ESYT2: variants seen among roughly 807,000 people sequenced by gnomAD.
ESYT2 encodes the protein extended synaptotagmin 2.
Under a neutral mutation model 107.2 loss-of-function variants are expected in ESYT2, and 54 were observed. That is an observed-to-expected ratio of 0.50 (90% CI 0.40 to 0.63). The LOEUF (loss-of-function observed/expected upper bound fraction) is 0.63, where lower values mean the gene tolerates loss of function less well. Among genes scored for constraint, ESYT2 ranks in the 30% least tolerant of loss-of-function variants. The probability of loss-of-function intolerance (pLI) is 0.00; values close to 1 mark genes in which losing one functional copy is unlikely to be tolerated. For synonymous variants in ESYT2, 491 were observed against 434.1 expected (o/e 1.13, Z -1.63); for missense variants, 1,020 against 1,094.5 (o/e 0.93, Z 0.96).
intron 6 of ESYT2, among the ~76,000 whole-genome samples, chr7:158,784,786 G>T (rs562144717): frequency 2.6e-5 from 4 of 152,294 alleles, no homozygotes; most frequent in Admixed American, 1.3e-4. Flanking sequence ...CATAACAGAA[G>T]ACACTGTTTC....
chr7:158,809,474 C>CAAAAAAAAAAAAAAAA (rs67422901), intron 1 of ESYT2, among the ~76,000 whole-genome samples: 1 of 49,742 alleles, frequency 2.0e-5, no homozygotes, highest in Non-Finnish European at 3.3e-5. Flanking sequence ...GAATCCATCT[C>CAAAAAAAAAAAAAAAA]AAAAAAAAAA....
chr7:158,748,624 G>A (rs1045843942), intron 15 of ESYT2, among the ~76,000 whole-genome samples: 2 of 152,204 alleles, frequency 1.3e-5, no homozygotes, highest in African/African-American at 4.8e-5. Context: ...CCGAACTGAG[G>A]AGGGTGAGCA....
chr7:158,764,566 G>T, intron 9 of ESYT2, 111 bp downstream of exon 9: 1 of 1,092,010 alleles, frequency 9.2e-7, no homozygotes, highest in Non-Finnish European at 1.3e-6. Flanking sequence ...ACATTTAAAT[G>T]ATGGCCTAAA....
At chr7:158,741,355 G>A (rs1837194712) in intron 18 of ESYT2, among the ~76,000 whole-genome samples, 168 bp downstream of exon 18, 1 of 152,206 alleles carries the variant, frequency 6.6e-6, no homozygotes, top group African/African-American at 2.4e-5. Flanking sequence ...GAGATGCAGT[G>A]AGCAAAACGG....
At chr7:158,810,688 G>GAA (rs35849036) in intron 1 of ESYT2, among the ~76,000 whole-genome samples, 2,369 of 149,636 alleles carry the variant, frequency 0.016, 58 homozygotes, top group African/African-American at 0.049. Context: ...TCTTGGGGGG[G>GAA]AAAAAAAAAG....
rs1215332750 is a variant in ESYT2 at position 158,741,860 on chromosome 7, G to A, written c.1831C>T (p.His611Tyr). The A allele has an allele frequency of 1.2e-6, 2 of 1,611,454 alleles. No homozygotes were observed. The highest frequency in any genetic ancestry group is 4.5e-5 in the East Asian group (2 of 44,864). Residue 611 changes from histidine (H) to tyrosine (Y), a missense_variant, in exon 18 of 23, where the codon CAC (histidine) becomes TAC (tyrosine). Physicochemically the swap from His to Tyr is moderately conservative, Grantham distance 83. Transcript: ENST00000275418. ...HLEKRERPPDHQHSAQVKRPS... is the reference protein window; with the variant it reads ...HLEKRERPPDYQHSAQVKRPS... ...CGTTTGACTTGAGCTGAGTGTTGGT[G>A]GTCTGGAGGCCTTTCTCGCTTTTCG... is the stretch of plus-strand genomic sequence containing the variant.
At position 158,767,770 on chromosome 7, in the gene ESYT2, A is replaced by T. The variant is rs959219335; in HGVS notation, c.808T>A (p.Leu270Ile). 2.5e-6 allele frequency: 4 copies of T among 1,610,626 alleles called. No homozygotes were observed. The highest frequency in any genetic ancestry group is 3.4e-6 in the Non-Finnish European group (4 of 1,178,134). ...NLLDVPGLNG[L>I]SDTIILDIIS... Reference sequence around the variant, plus strand: ...ATATCCAAAATGATAGTATCTGATAAACCACTGTTAGTTGGGAGACAAAAA... The same window carrying T: ...ATATCCAAAATGATAGTATCTGATATACCACTGTTAGTTGGGAGACAAAAA... Residue 270 changes from leucine (L) to isoleucine (I), a missense_variant, in exon 8 of 23, where the codon TTA (leucine) becomes ATA (isoleucine). By Grantham distance (5) the Leu-to-Ile change is conservative. Transcript: ENST00000275418.
chr7:158,822,979 C>A (rs1410069176), intron 1 of ESYT2, among the ~76,000 whole-genome samples: 1 of 151,998 alleles, frequency 6.6e-6, no homozygotes, highest in Admixed American at 6.6e-5. Context: ...CTATAACTGA[C>A]CACCTTTTCA....
chr7:158,788,267 T>G (rs1839175742), intron 5 of ESYT2, 78 bp downstream of exon 5: 2 of 1,415,902 alleles, frequency 1.4e-6, no homozygotes, highest in African/African-American at 1.4e-5. Flanking sequence ...CTAAAAAAAC[T>G]TCCTAATTTT....
chr7:158,749,087 A>G (rs959483662), intron 15 of ESYT2, among the ~76,000 whole-genome samples: 5 of 151,518 alleles, frequency 3.3e-5, no homozygotes, highest in African/African-American at 1.2e-4. Flanking sequence ...AAACATATTC[A>G]TCTATTACTT....
chr7:158,782,385 G>GATGAGT lies in ESYT2; in HGVS notation c.747+5618_747+5619insACTCAT, dbSNP rs111781867. ...GTGAACGAGTGTGAGAACAAAGTGA[G>GATGAGT]GTAAGAACGAGAACAAGTGAGTGAA... On this transcript the variant is annotated intron_variant, in intron 6 of 22. Transcript: ENST00000275418. 2.3e-5 allele frequency among the ~76,000 whole-genome samples: 2 copies of GATGAGT among 86,630 alleles called. 1 individual carries two copies. The highest frequency in any genetic ancestry group is 7.0e-5 in the African/African-American group (2 of 28,574). The allele number at this position is 86,630 out of a possible 152,430, so 56.8% of individuals were successfully genotyped here.
At chr7:158,827,480 C>G (rs1021263264) in intron 1 of ESYT2, 1 of 152,156 alleles carries the variant, frequency 6.6e-6, no homozygotes, top group African/African-American at 2.4e-5. Context: ...CTCTTAACTT[C>G]CTTTTTCTAC....
intron 4 of ESYT2, among the ~76,000 whole-genome samples, chr7:158,791,845 T>C (rs1202852255): frequency 1.3e-5 from 2 of 152,352 alleles, no homozygotes; most frequent in Middle Eastern, 3.4e-3. Flanking sequence ...TTCATGATTA[T>C]AGGGACTGCA....
rs112722022 is a variant in ESYT2, at chr7:158,776,661, A to G, written c.748-3265T>C. Among the ~76,000 whole-genome samples the G allele has an allele frequency of 5.0e-3, 766 of 152,312 alleles. 3 individuals are homozygous for G. The highest frequency in any genetic ancestry group is 0.018 in the African/African-American group (736 of 41,564). ...GTCTGGGCTGATCATCTCTCCAGGCACTAAAACTTTCTCCCTATCAGCAAG... is the reference window on the plus strand; with the variant it reads ...GTCTGGGCTGATCATCTCTCCAGGCGCTAAAACTTTCTCCCTATCAGCAAG... On this transcript the variant is annotated intron_variant, in intron 6 of 22. Coordinates refer to ENST00000275418, the MANE Select transcript of ESYT2 (RefSeq NM_001367773.1).
At chr7:158,826,313 A>C (rs1840443502) in intron 1 of ESYT2, among the ~76,000 whole-genome samples, 1 of 152,220 alleles carries the variant, frequency 6.6e-6, no homozygotes, top group African/African-American at 2.4e-5. Flanking sequence ...TTTCATGTGA[A>C]TCCTTCAAGA....
Position 158,762,218 on chromosome 7 carries a change from C to G in ESYT2, c.1185-674G>C, listed in dbSNP as rs371870540. 2.2e-4 allele frequency among the ~76,000 whole-genome samples: 34 copies of G among 152,250 alleles called. 1 individual carries two copies. Among genetic ancestry groups the G allele is most frequent in the South Asian group, 1.9e-3 (9 of 4,816 alleles). ...TCTTCTTGTAGCCTCTTCTGCCCCC[C>G]ACAATCTATGTCTACACCGCCTTCT... On this transcript the variant is annotated intron_variant, in intron 10 of 22. Coordinates refer to ENST00000275418, the MANE Select transcript of ESYT2 (RefSeq NM_001367773.1).
intron 13 of ESYT2, among the ~76,000 whole-genome samples, chr7:158,754,861 CT>C (rs1380331305): frequency 2.0e-5 from 3 of 152,090 alleles, no homozygotes; most frequent in African/African-American, 4.8e-5. Flanking sequence ...ATTTCCTTAT[CT>C]GTAAAGTGAT....
intron 13 of ESYT2, among the ~76,000 whole-genome samples, chr7:158,755,869 G>T (rs1837737152): frequency 6.6e-6 from 1 of 152,124 alleles, no homozygotes; most frequent in Non-Finnish European, 1.5e-5. Context: ...GGCCGTCAGG[G>T]GGTAGGGGGA....
At chr7:158,782,415 T>A (rs199797404) in intron 6 of ESYT2, among the ~76,000 whole-genome samples, 1 of 146,450 alleles carries the variant, frequency 6.8e-6, no homozygotes. Context: ...AGTGAACGAG[T>A]GTGAGAACAA....
Sources: allele counts gnomAD v4.1 joint callset (sites outside exome capture counted in the v4.1 genomes callset), GRCh38; gene constraint gnomAD v4.1.1; transcripts MANE v1.5; gene names NCBI Gene and HGNC (gene_info 2026-07-23, HGNC 2026-07-21).